The following ACTA2 variants were observed in gnomAD, a reference collection of about 807,000 sequenced individuals.
The protein encoded by ACTA2 is actin, aortic smooth muscle.
In ACTA2, 12 loss-of-function variants were observed where a neutral mutation model predicts 39.5. The ratio of observed to expected loss-of-function variants is 0.30; its 90% CI spans 0.19 to 0.49. ACTA2 has a LOEUF of 0.49. Among genes scored for constraint, ACTA2 ranks in the 20% least tolerant of loss-of-function variants. The pLI is 0.99. For missense variants in ACTA2, 236 were observed against 498.8 expected (o/e 0.47, Z 5.02); for synonymous variants, 158 against 180.6 (o/e 0.88, Z 1.00).
rs1159811496 is a variant in ACTA2, at chr10:88,990,521, TCTC to T, written c.-24+415_-24+417del. On this transcript the variant is annotated intron_variant, in intron 1 of 4. Coordinates refer to the ACTA2 transcript ENST00000415557. This position sits in a 1 kb window ranked among gnomAD's most constrained non-coding sequence, Gnocchi z 4.9. ...CCCTGACTCCTTCCTCACCCTGACT[TCTC>T]CCCCTCCCTACCCGCGCGCAGGCCA... 1.7e-6 allele frequency: 1 copy of T among 602,368 alleles called. No homozygotes were observed. The highest frequency in any genetic ancestry group is 3.4e-5 in the East Asian group (1 of 29,510). The allele number at this position is 602,368 out of a possible 1,614,324, so 37.3% of individuals were successfully genotyped here.
intron 8 of ACTA2, 66 bp downstream of exon 8, chr10:88,937,995 C>T (rs2840234): frequency 5.0e-6 from 8 of 1,587,056 alleles, no homozygotes; most frequent in Admixed American, 1.7e-5. Context: ...CTGAAGAGTT[C>T]TTATCTGTGG....
chr10:88,983,241 G>A (rs1846755476), intron 1 of ACTA2, among the ~76,000 whole-genome samples: 3 of 152,188 alleles, frequency 2.0e-5, no homozygotes, highest in Middle Eastern at 3.4e-3. Context: ...TTCTTACTTA[G>A]CAGACTTACC....
At chr10:88,935,615 A>G (rs765415362) in intron 8 of ACTA2, 3 of 420,404 alleles carry the variant, frequency 7.1e-6, no homozygotes, top group South Asian at 6.7e-5. Flanking sequence ...CTTCGACCAC[A>G]TTATTGAGCA....
In ACTA2 at chr10:88,949,006, C is replaced by T. The variant is rs572370846; in HGVS notation, c.-23-53G>A. The T allele has an allele frequency of 3.3e-5, 52 of 1,597,372 alleles. 1 individual carries two copies. The South Asian group carries it at 5.8e-4, about 18-fold the overall frequency. Reference sequence around the variant, plus strand: ...CAGCTGTAATTGGGCATTTGTGGCACTTACCTGACAACTCCCACCTCCAAG... The same window carrying T: ...CAGCTGTAATTGGGCATTTGTGGCATTTACCTGACAACTCCCACCTCCAAG... On this transcript the variant is annotated intron_variant, in intron 1 of 8. Coordinates refer to ENST00000224784, the MANE Select transcript of ACTA2 (RefSeq NM_001613.4).
chr10:88,948,652 C>A, intron 2 of ACTA2, 150 bp downstream of exon 2: 1 of 1,019,670 alleles, frequency 9.8e-7, no homozygotes, highest in Non-Finnish European at 1.5e-6. Context: ...GTGAAATTGG[C>A]ATTTACTCCT....
At chr10:88,968,095 A>C (rs1197321961) in intron 1 of ACTA2, among the ~76,000 whole-genome samples, 1 of 152,160 alleles carries the variant, frequency 6.6e-6, no homozygotes, top group Non-Finnish European at 1.5e-5. Flanking sequence ...TGCAGAAGTA[A>C]ACTATTCAAT....
chr10:88,981,130 C>A (rs1846700634), intron 1 of ACTA2, among the ~76,000 whole-genome samples: 1 of 152,168 alleles, frequency 6.6e-6, no homozygotes, highest in African/African-American at 2.4e-5. Context: ...AGAGCGGGGC[C>A]AGTCCACAGG....
In ACTA2 at chr10:88,966,998, G is replaced by C. The variant is rs1165794404; in HGVS notation, c.-23-18045C>G. 3.9e-5 allele frequency among the ~76,000 whole-genome samples: 6 copies of C among 152,178 alleles called. No homozygotes were observed. In the South Asian group the frequency reaches 6.2e-4, roughly 16 times the overall value. On this transcript the variant is annotated intron_variant, in intron 1 of 4. Transcript: ENST00000415557. ...GGCTCAAACAGCGCCAAGAGGGCAG[G>C]CTGTGTGCCAAGATCAGCCTGGGAG... is the stretch of plus-strand genomic sequence containing the variant.
At chr10:88,954,300 T>G (rs1846098443), upstream of ACTA2, among the ~76,000 whole-genome samples, 1 of 152,206 alleles carries the variant, frequency 6.6e-6, no homozygotes, top group Non-Finnish European at 1.5e-5. Context: ...TTAAATAGCT[T>G]AAGACTAAAT....
At chr10:88,975,285 A>C (rs1846535770) in intron 1 of ACTA2, 1 of 152,236 alleles carries the variant, frequency 6.6e-6, no homozygotes, top group Non-Finnish European at 1.5e-5. Context: ...GAAGGAGATA[A>C]ATCAGAGGCG....
intron 3 of ACTA2, 35 bp downstream of exon 3, chr10:88,947,223 T>A (rs1845967519): frequency 1.2e-6 from 2 of 1,613,452 alleles, no homozygotes; most frequent in Non-Finnish European, 8.5e-7. Context: ...GGATTATGCA[T>A]CCTGAGGGCC....
chr10:88,941,535 A>G (rs1845852163), intron 5 of ACTA2, 145 bp from the exon 6 acceptor site: 1 of 1,071,224 alleles, frequency 9.3e-7, no homozygotes, highest in Admixed American at 2.0e-5. Context: ...AGGAGAGGTG[A>G]GGTGGGACAG....
At chr10:88,945,561 A>G (rs1163748890) in intron 3 of ACTA2, among the ~76,000 whole-genome samples, 1 of 152,180 alleles carries the variant, frequency 6.6e-6, no homozygotes, top group East Asian at 1.9e-4. Context: ...GTAATGTTTA[A>G]TGACCAAACA....
rs573539833 is a variant in ACTA2 at position 88,990,590 on chromosome 10, C to T, written c.-24+349G>A. 1.5e-6 allele frequency: 1 copy of T among 672,064 alleles called. No homozygotes were observed. Among genetic ancestry groups the T allele is most frequent in the Non-Finnish European group, 2.7e-6 (1 of 367,022 alleles). 41.6% of individuals were successfully genotyped at this position (672,064 alleles called of 1,614,324 possible). ...GGAGCCCTCCCCAACCCGGGCGTTCCCCAGCGAGGCTTCCTTCCCATCCTC... is the reference window on the plus strand; with the variant it reads ...GGAGCCCTCCCCAACCCGGGCGTTCTCCAGCGAGGCTTCCTTCCCATCCTC... On this transcript the variant is annotated intron_variant, in intron 1 of 4. Transcript: ENST00000415557. This position sits in a 1 kb window ranked among gnomAD's most constrained non-coding sequence, Gnocchi z 4.9.
At position 88,964,326 on chromosome 10, in the gene ACTA2, G is replaced by A. The variant is rs138692966; in HGVS notation, c.-23-15373C>T. ...ACCCAGGGAATGAGCAATTCTCAAA[G>A]AAGTGGCTTAGAACTCTGGTTTATG... On this transcript the variant is annotated intron_variant, in intron 1 of 4. Transcript: ENST00000415557. 5.1e-3 allele frequency among the ~76,000 whole-genome samples: 782 copies of A among 152,300 alleles called. 2 individuals are homozygous for A. Among genetic ancestry groups the A allele is most frequent in the Middle Eastern group, 0.01 (3 of 294 alleles).
At chr10:88,940,953 TC>T in intron 6 of ACTA2, 2 of 403,018 alleles carry the variant, frequency 5.0e-6, no homozygotes, top group Admixed American at 3.4e-5. Flanking sequence ...ACAATCTTCT[TC>T]TATTTGCTAA....
Position 88,967,815 on chromosome 10 carries a change from C to A in ACTA2, c.-23-18862G>T, listed in dbSNP as rs116288350. Among the ~76,000 whole-genome samples, 980 of 152,220 alleles carry A rather than the reference C, an allele frequency of 6.4e-3. 7 individuals carry two copies. Among genetic ancestry groups the A allele is most frequent in the African/African-American group, 0.022 (929 of 41,530 alleles). ...CACACCAGAACTCATTTCAATCATC[C>A]CTAAATTTAAAACAGGAAAATGGTT... On this transcript the variant is annotated intron_variant, in intron 1 of 4. Transcript: ENST00000415557.
intron 1 of ACTA2, among the ~76,000 whole-genome samples, chr10:88,973,020 C>T (rs997707249): frequency 1.3e-5 from 2 of 152,168 alleles, no homozygotes; most frequent in African/African-American, 4.8e-5. Context: ...AAAATTGAAA[C>T]CATTTAGAGT....
At chr10:88,986,842 T>C (rs1207551439) in intron 1 of ACTA2, among the ~76,000 whole-genome samples, 1 of 152,222 alleles carries the variant, frequency 6.6e-6, no homozygotes, top group Non-Finnish European at 1.5e-5. Flanking sequence ...ATCTGAACTG[T>C]GACCCCCAAA....
Sources: gnomAD v4.1 joint callset for allele counts (sites outside exome capture counted in the v4.1 genomes callset) on GRCh38, gnomAD v4.1.1 for gene constraint, Gnocchi (gnomAD v3.1) non-coding constraint, MANE v1.5 for transcripts, NCBI Gene and HGNC (gene_info 2026-07-23, HGNC 2026-07-21) for gene names.